Variants in BRINP3 observed in about 807,000 individuals in gnomAD.
BRINP3 encodes BMP/retinoic acid-inducible neural-specific protein 3.
Under a neutral mutation model 71.0 loss-of-function variants are expected in BRINP3, and 19 were observed. The ratio of observed to expected loss-of-function variants is 0.27; its 90% CI spans 0.19 to 0.39. The LOEUF is 0.39. BRINP3 is among the 10% of genes least tolerant of loss of function. BRINP3 has a pLI of 1.00. For synonymous variants in BRINP3, 380 were observed against 337.7 expected, an observed-to-expected ratio of 1.13 and a Z score of -1.37; for missense variants, 959 against 940.8, an observed-to-expected ratio of 1.02 and a Z score of -0.25.
At chr1:190,425,875 C>T (rs72731162) in intron 2 of BRINP3, among the ~76,000 whole-genome samples, 19,174 of 151,632 alleles carry the variant, frequency 0.13, 1,337 homozygotes, top group Non-Finnish European at 0.13. Flanking sequence ...TCCTCTCTAA[C>T]GGTATTCCTT....
chr1:190,316,894 C>T (rs1023075259), intron 2 of BRINP3, among the ~76,000 whole-genome samples: 4 of 151,946 alleles, frequency 2.6e-5, no homozygotes, highest in African/African-American at 4.8e-5. Context: ...AAAATGTGGC[C>T]GGGTGTGGTG....
At chr1:190,306,765 G>A (rs1245722703) in intron 2 of BRINP3, among the ~76,000 whole-genome samples, 1 of 151,862 alleles carries the variant, frequency 6.6e-6, no homozygotes, top group Non-Finnish European at 1.5e-5. Context: ...CAAGAATGAG[G>A]TTAAAGAGAC....
intron 6 of BRINP3, among the ~76,000 whole-genome samples, chr1:190,218,038 AT>A (rs1373968239): frequency 6.6e-6 from 1 of 151,988 alleles, no homozygotes; most frequent in East Asian, 1.9e-4. Flanking sequence ...CAAAGTGCTA[AT>A]TTTTTATTTT....
intron 2 of BRINP3, among the ~76,000 whole-genome samples, chr1:190,354,650 C>A (rs2102068972): frequency 6.6e-6 from 1 of 151,956 alleles, no homozygotes; most frequent in Non-Finnish European, 1.5e-5. Flanking sequence ...AGATTAATTG[C>A]CACCCTTTGT....
At chr1:190,246,344 T>A (rs1423808367) in intron 4 of BRINP3, among the ~76,000 whole-genome samples, 1 of 151,908 alleles carries the variant, frequency 6.6e-6, no homozygotes, top group Non-Finnish European at 1.5e-5. Context: ...AAGCTTTAAT[T>A]GGCATCAAGG....
chr1:190,382,674 C>A (rs1239518371), intron 2 of BRINP3, among the ~76,000 whole-genome samples: 1 of 152,132 alleles, frequency 6.6e-6, no homozygotes, highest in African/African-American at 2.4e-5. Context: ...TCTGACAATT[C>A]AAATGCCCTT....
At chr1:190,103,252 A>G (rs781604623) in intron 7 of BRINP3, among the ~76,000 whole-genome samples, 1 of 152,088 alleles carries the variant, frequency 6.6e-6, no homozygotes, top group Non-Finnish European at 1.5e-5. Context: ...CTGAGTCCCA[A>G]TGTGTTAAAC....
At chr1:190,348,876 A>G (rs182994104) in intron 2 of BRINP3, among the ~76,000 whole-genome samples, 288 of 152,278 alleles carry the variant, frequency 1.9e-3, no homozygotes, top group African/African-American at 6.8e-3. Context: ...CACTGCCCAC[A>G]GTAGATGAAA....
At chr1:190,450,695 GT>G (rs1379458516) in intron 2 of BRINP3, among the ~76,000 whole-genome samples, 1 of 151,756 alleles carries the variant, frequency 6.6e-6, no homozygotes, top group Admixed American at 6.6e-5. Context: ...TTTTTCCTCT[GT>G]TTTCTTCTAG....
chr1:190,455,284 C>T (rs1675909320), intron 1 of BRINP3, among the ~76,000 whole-genome samples: 1 of 151,954 alleles, frequency 6.6e-6, no homozygotes, highest in South Asian at 2.1e-4. Flanking sequence ...TCAAGTATTT[C>T]ATATATTTCA....
intron 6 of BRINP3, among the ~76,000 whole-genome samples, chr1:190,193,250 C>A (rs1654201621): frequency 6.6e-6 from 1 of 151,796 alleles, no homozygotes; most frequent in African/African-American, 2.4e-5. Context: ...AAAAAATAGT[C>A]ATACAAAGTA....
intron 4 of BRINP3, among the ~76,000 whole-genome samples, chr1:190,251,743 C>A (rs1660160368): frequency 2.0e-5 from 3 of 151,064 alleles, no homozygotes; most frequent in African/African-American, 7.3e-5. Flanking sequence ...GAGTAGAATG[C>A]AAAGATGTTT....
intron 1 of BRINP3, among the ~76,000 whole-genome samples, chr1:190,458,624 A>G (rs1288815709): frequency 6.6e-6 from 1 of 152,060 alleles, no homozygotes; most frequent in Non-Finnish European, 1.5e-5. Flanking sequence ...ATATTAATCC[A>G]TGTGTCAGAG....
Position 190,175,063 on chromosome 1 carries a change from T to A in BRINP3, c.962-14173A>T, listed in dbSNP as rs141135261. Among the ~76,000 whole-genome samples, 1,039 of 152,284 alleles carry A rather than the reference T, an allele frequency of 6.8e-3. 10 individuals carry two copies. Among genetic ancestry groups the A allele is most frequent in the Non-Finnish European group, 8.3e-3 (567 of 68,014 alleles). On this transcript the variant is annotated intron_variant, in intron 6 of 7. Coordinates refer to ENST00000367462, the MANE Select transcript of BRINP3 (RefSeq NM_199051.3). ...CTGCATGGCCTGAGAGCCCGATGCT[T>A]TGCAGACTCCTGGCATTGTGTATAA...
intron 2 of BRINP3, among the ~76,000 whole-genome samples, chr1:190,310,935 T>A (rs536534091): frequency 6.6e-6 from 1 of 151,710 alleles, no homozygotes; most frequent in Non-Finnish European, 1.5e-5. Context: ...TTCAAGTGAG[T>A]GAATACCTGC....
intron 2 of BRINP3, among the ~76,000 whole-genome samples, chr1:190,431,097 A>G (rs148696059): frequency 5.3e-4 from 81 of 152,290 alleles, no homozygotes; most frequent in African/African-American, 1.9e-3. Flanking sequence ...AAAGAATGTT[A>G]GCTTGAGGAC....
chr1:190,465,650 A>C (rs769368284), intron 1 of BRINP3, among the ~76,000 whole-genome samples: 1 of 151,688 alleles, frequency 6.6e-6, no homozygotes, highest in Non-Finnish European at 1.5e-5. Flanking sequence ...CCATCCACTG[A>C]TCCCCATCCT....
At chr1:190,180,618 A>T (rs1652947387) in intron 6 of BRINP3, among the ~76,000 whole-genome samples, 1 of 152,084 alleles carries the variant, frequency 6.6e-6, no homozygotes, top group Non-Finnish European at 1.5e-5. Flanking sequence ...AAGGTTTGTG[A>T]TGTTTAAATG....
At chr1:190,117,160 A>G (rs1315744607) in intron 7 of BRINP3, among the ~76,000 whole-genome samples, 1 of 152,074 alleles carries the variant, frequency 6.6e-6, no homozygotes, top group Non-Finnish European at 1.5e-5. Flanking sequence ...TTTACAATCA[A>G]TTAAGAAGAA....
Sources: gnomAD v4.1 joint callset for allele counts (sites outside exome capture counted in the v4.1 genomes callset) on GRCh38, gnomAD v4.1.1 for gene constraint, MANE v1.5 for transcripts, NCBI Gene and HGNC (gene_info 2026-07-23, HGNC 2026-07-21) for gene names.